The following PHLDB2 variants were observed in gnomAD, a reference collection of about 807,000 sequenced individuals.
The protein encoded by PHLDB2 is pleckstrin homology like domain family B member 2.
In PHLDB2, 71 loss-of-function variants were observed where a neutral mutation model predicts 123.6. The observed-to-expected ratio is 0.57, with a 90% confidence interval of 0.47 to 0.70. PHLDB2 has a LOEUF of 0.70. PHLDB2 is among the 30% of genes least tolerant of loss of function. The pLI, the probability that PHLDB2 is intolerant of heterozygous loss-of-function variation, is 0.00. For synonymous variants in PHLDB2, 547 were observed against 541.6 expected (o/e 1.01, Z -0.14); for missense variants, 1,446 against 1,519.5 (o/e 0.95, Z 0.80).
intron 5 of PHLDB2, 113 bp from the exon 6 acceptor site, chr3:111,932,156 A>G: frequency 1.7e-6 from 2 of 1,169,492 alleles, no homozygotes; most frequent in Admixed American, 2.6e-5. Flanking sequence ...ACATTCATAG[A>G]TTGTCCAGAG....
At chr3:111,900,116 A>G (rs1383952010) in intron 2 of PHLDB2, among the ~76,000 whole-genome samples, 1 of 152,212 alleles carries the variant, frequency 6.6e-6, no homozygotes, top group African/African-American at 2.4e-5. Flanking sequence ...CATAGAACTG[A>G]AGAGAGTTAG....
At chr3:111,827,685 C>CAAAAAAAAAAAAAAAAA (rs565813163) in intron 1 of PHLDB2, among the ~76,000 whole-genome samples, 2 of 73,174 alleles carry the variant, frequency 2.7e-5, no homozygotes, top group Non-Finnish European at 6.1e-5. Flanking sequence ...GAATCCGTCT[C>CAAAAAAAAAAAAAAAAA]AAAAAAAAAA....
At chr3:111,785,474 A>G in intron 1 of PHLDB2, among the ~76,000 whole-genome samples, 1 of 152,122 alleles carries the variant, frequency 6.6e-6, no homozygotes, top group African/African-American at 2.4e-5. Flanking sequence ...TGGAATTCTC[A>G]AATCTCCAAG....
chr3:111,780,294 AGAGGAAGAGGAAGAGGAAGAGGAAGAG>A (rs1559827033), intron 1 of PHLDB2, among the ~76,000 whole-genome samples: 274 of 4,664 alleles, frequency 0.059, 44 homozygotes, highest in Middle Eastern at 0.25. Flanking sequence ...AAGAAGAAGA[AGAGGAAGAGGAAGAGGAAGAGGAAGAG>A]GAAGAAGAAG....
At chr3:111,765,703 G>A (rs879525459) in intron 1 of PHLDB2, among the ~76,000 whole-genome samples, 2 of 152,184 alleles carry the variant, frequency 1.3e-5, no homozygotes, top group Non-Finnish European at 2.9e-5. Context: ...AGTCTATGGT[G>A]ACATCAGGGC....
Position 111,913,628 on chromosome 3 carries a change from C to G in PHLDB2, c.1645C>G (p.Arg549Gly). The change falls in exon 3 of 18, where the codon CGG becomes GGG. Residue 549 changes from arginine (R) to glycine (G), a missense_variant. Coordinates refer to ENST00000431670, the MANE Select transcript of PHLDB2 (RefSeq NM_001134438.2). ...TGATGAACTACTCAGTGACCTCACC[C>G]GGACTCCTCCACCACCATCCTCCAC... ...RNDELLSDLT[R>G]TPPPPSSTFP... 3.7e-6 allele frequency: 6 copies of G among 1,614,058 alleles called. No individual in the cohort carries two copies. The highest frequency in any genetic ancestry group is 5.1e-6 in the Non-Finnish European group (6 of 1,179,928).
chr3:111,790,345 AG>A (rs1439989342), intron 1 of PHLDB2, among the ~76,000 whole-genome samples: 1 of 152,168 alleles, frequency 6.6e-6, no homozygotes, highest in Non-Finnish European at 1.5e-5. Flanking sequence ...TGACCACAAA[AG>A]TTTACTCCAA....
In PHLDB2 at chr3:111,831,030, A is replaced by G. The variant is rs543597180; in HGVS notation, c.-48-14791A>G. ...GAAAGAAAGAAAGAAAGAAAGAAAG[A>G]AAGGAAGGAAGGAAGAAAGAGAAAA... is the stretch of plus-strand genomic sequence containing the variant. On this transcript the variant is annotated intron_variant, in intron 1 of 17. Transcript: ENST00000393923. 5.6e-3 allele frequency among the ~76,000 whole-genome samples: 401 copies of G among 71,808 alleles called. 11 individuals are homozygous for G. The highest frequency in any genetic ancestry group is 7.7e-3 in the Middle Eastern group (1 of 130). 47.1% of individuals were successfully genotyped at this position (71,808 alleles called of 152,430 possible). A position where few individuals can be genotyped will look rare whatever the true frequency, so the allele number is the denominator to read the frequency against.
In PHLDB2 at chr3:111,884,165, G is replaced by A. The variant is rs780804335; in HGVS notation, c.88G>A (p.Asp30Asn). The A allele has an allele frequency of 4.3e-6, 7 of 1,614,142 alleles. No homozygotes were observed. Among genetic ancestry groups the A allele is most frequent in the African/African-American group, 2.7e-5 (2 of 75,054 alleles). The change falls in exon 2 of 18, where the codon GAT (aspartate) becomes AAT (asparagine). Residue 30 changes from aspartate (D) to asparagine (N), a missense_variant. Around this residue, in one of 3 missense-constraint regions of PHLDB2, gnomAD observed 832 missense variants for 831.9 expected, o/e 1.00. Transcript: ENST00000431670. ...EDSVVHSVEN[D>N]SQNMMESLSP... ...CTCTGTGGTGCATTCTGTTGAGAAC[G>A]ATTCCCAAAACATGATGGAGAGCCT... is the stretch of plus-strand genomic sequence containing the variant.
chr3:111,885,493 G>T, intron 2 of PHLDB2, 81 bp downstream of exon 2: 2 of 1,549,532 alleles, frequency 1.3e-6, no homozygotes, highest in South Asian at 1.1e-5. Context: ...TGGACTCCAG[G>T]ATATGTGGGA....
At chr3:111,966,961 G>T (rs1007806566) in intron 14 of PHLDB2, among the ~76,000 whole-genome samples, 4 of 148,688 alleles carry the variant, frequency 2.7e-5, no homozygotes, top group African/African-American at 7.5e-5. Flanking sequence ...GTGTTTTTTT[G>T]TGTGTGTTTT....
At chr3:111,745,831 G>A (rs2059672483) in intron 1 of PHLDB2, among the ~76,000 whole-genome samples, 1 of 151,996 alleles carries the variant, frequency 6.6e-6, no homozygotes, top group South Asian at 2.1e-4. Context: ...GAGAAGAGAA[G>A]AGGAAAAGAA....
intron 1 of PHLDB2, among the ~76,000 whole-genome samples, chr3:111,751,279 T>C (rs1008957845): frequency 9.2e-5 from 14 of 152,114 alleles, no homozygotes; most frequent in African/African-American, 3.1e-4. Context: ...CAAAGGGCTA[T>C]GGCCCAATGC....
At chr3:111,891,811 G>A (rs919608410) in intron 2 of PHLDB2, among the ~76,000 whole-genome samples, 1 of 152,108 alleles carries the variant, frequency 6.6e-6, no homozygotes, top group Non-Finnish European at 1.5e-5. Context: ...AGGTAGTGAT[G>A]GCCGTCTAGA....
intron 5 of PHLDB2, among the ~76,000 whole-genome samples, chr3:111,921,774 T>A (rs902189629): frequency 6.6e-6 from 1 of 152,166 alleles, no homozygotes; most frequent in African/African-American, 2.4e-5. Flanking sequence ...GGCTAATTTT[T>A]TGTATTTTCA....
chr3:111,884,715 T>C lies in PHLDB2; in HGVS notation c.638T>C (p.Ile213Thr). 2 of 1,614,070 alleles carry C rather than the reference T, an allele frequency of 1.2e-6. No individual in the cohort carries two copies. The highest frequency in any genetic ancestry group is 1.7e-6 in the Non-Finnish European group (2 of 1,180,008). The change falls in exon 2 of 18, where the codon ATT (isoleucine) becomes ACT (threonine). Residue 213 changes from isoleucine (I) to threonine (T), a missense_variant. Transcript: ENST00000431670. The part of the protein sequence containing the change: ...SSPKQARKMS[I>T]QDSLALQPKL... ...CCAAAGCAAGCCAGGAAAATGAGCA[T>C]TCAGGACAGCCTGGCGCTTCAACCC...
intron 6 of PHLDB2, among the ~76,000 whole-genome samples, chr3:111,934,301 T>C (rs1348027418): frequency 6.6e-6 from 1 of 152,184 alleles, no homozygotes; most frequent in African/African-American, 2.4e-5. Flanking sequence ...GTTCACTTAC[T>C]TCATGAGAAG....
At chr3:111,818,611 C>G (rs2062211824) in intron 1 of PHLDB2, among the ~76,000 whole-genome samples, 1 of 152,144 alleles carries the variant, frequency 6.6e-6, no homozygotes, top group Admixed American at 6.5e-5. Context: ...ATGGGTCTTA[C>G]AAATTCTAAA....
chr3:111,854,861 TC>T (rs2064412128), upstream of PHLDB2, among the ~76,000 whole-genome samples: 1 of 152,144 alleles, frequency 6.6e-6, no homozygotes, highest in African/African-American at 2.4e-5. Flanking sequence ...ACGCTGTCAC[TC>T]CCAGAGTCAA....
Sources: gnomAD v4.1 joint callset for allele counts (sites outside exome capture counted in the v4.1 genomes callset) on GRCh38, gnomAD v4.1.1 for gene constraint, gnomAD v4.1.1 regional missense constraint, MANE v1.5 for transcripts, NCBI Gene and HGNC (gene_info 2026-07-23, HGNC 2026-07-21) for gene names.